Variants in CNGB1 observed in about 807,000 individuals in gnomAD.
CNGB1 encodes the protein cyclic nucleotide gated channel subunit beta 1, also known as cyclic nucleotide-gated channel beta-1.
Under a neutral mutation model 151.7 loss-of-function variants are expected in CNGB1, and 126 were observed. That is an observed-to-expected ratio of 0.83 (90% CI 0.72 to 0.96). The LOEUF is 0.96. CNGB1 is among the 40% of genes least tolerant of loss of function. The pLI is 0.00. For missense variants in CNGB1, 1,698 were observed against 1,627.0 expected (o/e 1.04, Z -0.75); for synonymous variants, 623 against 635.1 (o/e 0.98, Z 0.29).
rs563680748 is a variant in CNGB1 at position 57,942,683 on chromosome 16, G to A, written c.1122-2362C>T. On this transcript the variant is annotated intron_variant, in intron 14 of 32. Coordinates refer to ENST00000251102, the MANE Select transcript of CNGB1 (RefSeq NM_001297.5). ...AGTTCGAGACCAGCCTGAACAACAC[G>A]GCAAAATCCCAACTCTATAAGATAC... Among the ~76,000 whole-genome samples the A allele has an allele frequency of 5.3e-5, 8 of 151,642 alleles. No individual in the cohort carries two copies. The South Asian group carries it at 6.3e-4, about 12-fold the overall frequency.
At chr16:57,896,708 G>C (rs1171540712) in intron 31 of CNGB1, among the ~76,000 whole-genome samples, 10 of 138,142 alleles carry the variant, frequency 7.2e-5, no homozygotes, top group Admixed American at 4.5e-4. Context: ...GCAAGACTCT[G>C]TCTCAAAATA....
intron 13 of CNGB1, 135 bp downstream of exon 13, chr16:57,950,246 G>T: frequency 9.6e-7 from 1 of 1,040,696 alleles, no homozygotes; most frequent in Non-Finnish European, 1.5e-6. Flanking sequence ...CATGGGAGAA[G>T]GATGGCTGTA....
intron 17 of CNGB1, among the ~76,000 whole-genome samples, chr16:57,927,728 C>T (rs1335577778): frequency 6.6e-6 from 1 of 152,214 alleles, no homozygotes; most frequent in Non-Finnish European, 1.5e-5. Flanking sequence ...TGGTCCCCTC[C>T]CTCCCCTAAA....
In CNGB1 at chr16:57,957,497, G is replaced by C; in HGVS notation, c.838-120C>G. The C allele has an allele frequency of 4.8e-6, 4 of 834,648 alleles. No individual in the cohort carries two copies. The South Asian group carries it at 5.6e-5, about 12-fold the overall frequency. 51.7% of individuals were successfully genotyped at this position (834,648 alleles called of 1,614,324 possible). A position where few individuals can be genotyped will look rare whatever the true frequency, so the allele number is the denominator to read the frequency against. On this transcript the variant is annotated intron_variant, in intron 11 of 32. Coordinates refer to ENST00000251102, the MANE Select transcript of CNGB1 (RefSeq NM_001297.5). ...CCTCTCCGGGCCTTAGTTGTCCCAT[G>C]GGATGGAGAAGAGAGTCCCTGCTGT...
rs771833874 is a variant in CNGB1, at chr16:57,915,260, G to A, written c.2293C>T (p.Arg765Cys). 1.2e-5 allele frequency: 20 copies of A among 1,613,646 alleles called. No individual in the cohort carries two copies. The highest frequency in any genetic ancestry group is 4.0e-5 in the African/African-American group (3 of 74,916). ...CCCAGCAGTCCTACCTTTAAACAGCGGGGCAGGCGGAGGAGGGGGTTCACA... is the reference window on the plus strand; with the variant it reads ...CCCAGCAGTCCTACCTTTAAACAGCAGGGCAGGCGGAGGAGGGGGTTCACA... Reference protein sequence around the residue: ...VGVNPLLRLPRCLKYMAFFEF... With the variant: ...VGVNPLLRLPCCLKYMAFFEF... The change falls in exon 23 of 33, where the codon CGC becomes TGC. Residue 765 changes from arginine (R) to cysteine (C), a missense_variant. Transcript: ENST00000251102.
intron 21 of CNGB1, among the ~76,000 whole-genome samples, chr16:57,916,514 G>A (rs1960872053): frequency 6.6e-6 from 1 of 152,218 alleles, no homozygotes; most frequent in African/African-American, 2.4e-5. Flanking sequence ...CAGAAAAGAG[G>A]TTCTCCAAGG....
At chr16:57,924,572 C>G (rs185174876) in intron 17 of CNGB1, among the ~76,000 whole-genome samples, 3 of 152,122 alleles carry the variant, frequency 2.0e-5, no homozygotes, top group Non-Finnish European at 2.9e-5. Flanking sequence ...GTATGCATGT[C>G]ACACATGAAA....
In CNGB1 at chr16:57,885,578, CTTTCTT is replaced by C. The variant is rs1318757472; in HGVS notation, c.3463-1127_3463-1122del. 4.5e-3 allele frequency among the ~76,000 whole-genome samples: 278 copies of C among 61,766 alleles called. 1 individual carries two copies. The highest frequency in any genetic ancestry group is 0.012 in the Middle Eastern group (2 of 162). The allele number at this position is 61,766 out of a possible 152,430, so 40.5% of individuals were successfully genotyped here. On this transcript the variant is annotated intron_variant, in intron 32 of 32. Transcript: ENST00000251102. ...CCTTCCTCTCTCTCTCTCTCTCTCTCTTTCTTTCTTTCTTTCTTTCTTTCTTTCTTT... is the reference window on the plus strand; with the variant it reads ...CCTTCCTCTCTCTCTCTCTCTCTCTCTCTTTCTTTCTTTCTTTCTTTCTTT...
intron 21 of CNGB1, among the ~76,000 whole-genome samples, chr16:57,916,722 T>C (rs1960876014): frequency 6.6e-6 from 1 of 152,088 alleles, no homozygotes; most frequent in South Asian, 2.1e-4. Flanking sequence ...TCCTCCCTGG[T>C]AAGGCAGGGG....
At chr16:57,887,247 C>A (rs967844616) in intron 32 of CNGB1, among the ~76,000 whole-genome samples, 1 of 151,970 alleles carries the variant, frequency 6.6e-6, no homozygotes, top group African/African-American at 2.4e-5. Context: ...CTTCTGGGGC[C>A]GGACATTTGC....
At chr16:57,905,854 G>A (rs979143437) in intron 25 of CNGB1, among the ~76,000 whole-genome samples, 29 of 152,222 alleles carry the variant, frequency 1.9e-4, no homozygotes, top group African/African-American at 7.0e-4. Context: ...CCTTGATCTT[G>A]GACTTCCCAG....
In CNGB1 at chr16:57,939,503, A is replaced by G; in HGVS notation, c.1299T>C (p.Ala433=). Residue 433 remains alanine, a synonymous_variant, in exon 16 of 33, where the codon GCT becomes GCC. Transcript: ENST00000251102. ...CCGCCCAGTCCTGGGGCTCCTTTTC[A>G]GCCTCCTCTTCAGCCACCTCCTCGG... ...EEAEEVAEEE[A]EKEPQDWAET... is the part of the protein sequence containing the mutation. 6.2e-7 allele frequency: 1 copy of G among 1,613,906 alleles called. No homozygotes were observed. Among genetic ancestry groups the G allele is most frequent in the Non-Finnish European group, 8.5e-7 (1 of 1,179,926 alleles).
At chr16:57,940,355 G>C in intron 14 of CNGB1, 34 bp from the exon 15 acceptor site, 2 of 1,551,000 alleles carry the variant, frequency 1.3e-6, no homozygotes, top group Non-Finnish European at 1.7e-6. Context: ...AGGATAAAAG[G>C]ACTGGGTTAG....
intron 31 of CNGB1, among the ~76,000 whole-genome samples, chr16:57,894,600 CAAAAAAGA>C (rs562034065): frequency 1.3e-5 from 2 of 151,252 alleles, no homozygotes; most frequent in Non-Finnish European, 2.9e-5. Context: ...GACTTCATCT[CAAAAAAGA>C]AAAAAAGAAA....
chr16:57,892,872 C>G (rs1960131551), intron 31 of CNGB1, among the ~76,000 whole-genome samples: 1 of 152,214 alleles, frequency 6.6e-6, no homozygotes, highest in Non-Finnish European at 1.5e-5. Context: ...GCTTCCCCAA[C>G]CAGCTTATCT....
chr16:57,969,065 G>A (rs1962477207), intron 1 of CNGB1, among the ~76,000 whole-genome samples: 1 of 152,158 alleles, frequency 6.6e-6, no homozygotes, highest in Non-Finnish European at 1.5e-5. Context: ...CAGCACTTTG[G>A]GAGGTGAAGG....
intron 22 of CNGB1, 87 bp downstream of exon 22, chr16:57,916,042 T>A: frequency 7.8e-7 from 1 of 1,287,866 alleles, no homozygotes; most frequent in Non-Finnish European, 1.1e-6. Context: ...AAACCACATC[T>A]CATGAACGCC....
Position 57,905,969 on chromosome 16 carries a change from G to A in CNGB1, c.2493-1094C>T, listed in dbSNP as rs1258700862. 3.3e-5 allele frequency among the ~76,000 whole-genome samples: 5 copies of A among 152,328 alleles called. No individual in the cohort carries two copies. The East Asian group carries it at 9.6e-4, about 29-fold the overall frequency. ...GCATGAAGACACCAAGCTTGTGTGT[G>A]ATTATCACAGAGCAGCAAGGGTCCC... On this transcript the variant is annotated intron_variant, in intron 25 of 32. Transcript: ENST00000251102.
intron 26 of CNGB1, 33 bp downstream of exon 26, chr16:57,904,701 G>A: frequency 6.2e-7 from 1 of 1,613,610 alleles, no homozygotes; most frequent in Non-Finnish European, 8.5e-7. Flanking sequence ...CTGCAGTCAG[G>A]TGGGGTGGGA....
Sources: allele counts gnomAD v4.1 joint callset (sites outside exome capture counted in the v4.1 genomes callset), GRCh38; gene constraint gnomAD v4.1.1; transcripts MANE v1.5; gene names NCBI Gene and HGNC (gene_info 2026-07-23, HGNC 2026-07-21).